WDR11: variants seen among roughly 807,000 people sequenced by gnomAD.
WDR11 encodes WD repeat domain 11, also known as WD repeat-containing protein 11.
A neutral mutation model predicts 151.2 loss-of-function variants in WDR11; 83 were observed. The observed-to-expected ratio is 0.55, with a 90% CI of 0.46 to 0.66. WDR11 has a LOEUF of 0.66. Ranked by LOEUF, WDR11 falls within the 30% of genes least tolerant of loss-of-function variation. The pLI, the probability that WDR11 is intolerant of heterozygous loss-of-function variation, is 0.00. For missense variants in WDR11, 1,301 were observed against 1,480.9 expected (o/e 0.88, Z 1.99); for synonymous variants, 484 against 533.1 (o/e 0.91, Z 1.27).
chr10:120,873,849 T>C lies in WDR11; in HGVS notation c.1482T>C (p.Asn494=). 1.2e-6 allele frequency: 2 copies of C among 1,612,056 alleles called. No individual in the cohort carries two copies. Among genetic ancestry groups the C allele is most frequent in the East Asian group, 2.2e-5 (1 of 44,854 alleles). The change falls in exon 11 of 29, where the codon AAT becomes AAC. Residue 494 remains asparagine (N), a synonymous_variant. Transcript: ENST00000263461. ...ATGTCATTTTGAAAGGTACAAGTAA[T>C]GGTTCTGTCCTGGTGTACCATCTCA... ...YQPLLAVGTS[N]GSVLVYHLTS...
chr10:120,852,156 A>T (rs1458581961), intron 1 of WDR11: 2 of 275,134 alleles, frequency 7.3e-6, no homozygotes, highest in Non-Finnish European at 1.4e-5. Flanking sequence ...TTTAGTTGGA[A>T]GGACTAGGAT....
intron 16 of WDR11, among the ~76,000 whole-genome samples, chr10:120,887,861 TC>T (rs1359716623): frequency 6.6e-6 from 1 of 152,214 alleles, no homozygotes; most frequent in Non-Finnish European, 1.5e-5. Context: ...AATTAAACAT[TC>T]TATTTTATGG....
At chr10:120,866,063 T>C (rs930554425) in intron 7 of WDR11, among the ~76,000 whole-genome samples, 3 of 152,080 alleles carry the variant, frequency 2.0e-5, no homozygotes, top group Admixed American at 2.0e-4. Context: ...TTTATTATTA[T>C]ACCCCCTTGA....
intron 10 of WDR11, among the ~76,000 whole-genome samples, chr10:120,872,273 C>A (rs545730440): frequency 6.6e-6 from 1 of 152,212 alleles, no homozygotes; most frequent in South Asian, 2.1e-4. Flanking sequence ...ATATATGTGT[C>A]CCGATTTATA....
At position 120,890,007 on chromosome 10, in the gene WDR11, G is replaced by A; in HGVS notation, c.2341G>A (p.Glu781Lys). ...TGGAGCTGAAGTGTGGGATACTAAA[G>A]AGGTAGGCCCTCTCCATGAGGATAA... ...NDGAEVWDTKEVQMVSSLRSG... is the reference protein window; with the variant it reads ...NDGAEVWDTKKVQMVSSLRSG... The change falls in exon 18 of 29, where the codon GAG (glutamate) becomes AAG (lysine). Residue 781 changes from glutamate (E) to lysine (K), a missense_variant and splice_region_variant. Glu to Lys is a moderately conservative substitution (Grantham distance 56, BLOSUM62 1). Transcript: ENST00000263461. The A allele has an allele frequency of 1.9e-6, 3 of 1,591,242 alleles. No individual in the cohort carries two copies. The highest frequency in any genetic ancestry group is 2.6e-6 in the Non-Finnish European group (3 of 1,159,372).
intron 28 of WDR11, 167 bp from the exon 29 acceptor site, chr10:120,908,389 T>A (rs1313247961): frequency 1.9e-5 from 13 of 693,218 alleles, no homozygotes; most frequent in Non-Finnish European, 3.4e-5. Flanking sequence ...AATCACCCTC[T>A]GCCCGCGAAA....
intron 19 of WDR11, among the ~76,000 whole-genome samples, chr10:120,894,258 G>A (rs935245795): frequency 1.3e-5 from 2 of 152,082 alleles, no homozygotes; most frequent in Non-Finnish European, 2.9e-5. Context: ...CCCCTCCCCA[G>A]TGTTAAAGGC....
At chr10:120,883,296 G>A (rs1847092636) in intron 13 of WDR11, among the ~76,000 whole-genome samples, 1 of 152,138 alleles carries the variant, frequency 6.6e-6, no homozygotes, top group African/African-American at 2.4e-5. Flanking sequence ...AATTATATTT[G>A]TTGAATTGCA....
chr10:120,854,443 C>T (rs1205379488), intron 2 of WDR11, among the ~76,000 whole-genome samples: 3 of 152,110 alleles, frequency 2.0e-5, no homozygotes, highest in African/African-American at 7.2e-5. Flanking sequence ...GTACTTTTTG[C>T]CTGTTACGAA....
At chr10:120,876,092 C>A (rs773443467) in intron 11 of WDR11, among the ~76,000 whole-genome samples, 11 of 150,062 alleles carry the variant, frequency 7.3e-5, no homozygotes, top group Non-Finnish European at 1.3e-4. Flanking sequence ...AATTCTCCTG[C>A]CTCATCCTCC....
intron 3 of WDR11, 138 bp downstream of exon 3, chr10:120,858,934 G>A: frequency 9.3e-7 from 1 of 1,074,172 alleles, no homozygotes; most frequent in Non-Finnish European, 1.4e-6. Context: ...TGCCTATTCT[G>A]CTGATCTAAA....
intron 26 of WDR11, 141 bp from the exon 27 acceptor site, chr10:120,905,735 T>C: frequency 2.8e-6 from 4 of 1,429,794 alleles, no homozygotes; most frequent in Non-Finnish European, 3.9e-6. Context: ...ATTCAGAGTA[T>C]GCAGCAGCTT....
At chr10:120,854,525 T>C (rs1845883957) in intron 2 of WDR11, among the ~76,000 whole-genome samples, 1 of 152,238 alleles carries the variant, frequency 6.6e-6, no homozygotes, top group South Asian at 2.1e-4. Context: ...AGTATGTTTC[T>C]AGGGGTGGAA....
intron 13 of WDR11, among the ~76,000 whole-genome samples, chr10:120,882,588 T>G (rs1486535708): frequency 6.6e-6 from 1 of 151,806 alleles, no homozygotes; most frequent in African/African-American, 2.4e-5. Context: ...TTCTCTTTTT[T>G]TGAGCTTTGG....
Position 120,908,583 on chromosome 10 carries a change from A to T in WDR11, c.3545A>T (p.Asp1182Val). 6.2e-7 allele frequency: 1 copy of T among 1,614,178 alleles called. No individual in the cohort carries two copies. Among genetic ancestry groups the T allele is most frequent in the South Asian group, 1.1e-5 (1 of 91,084 alleles). Residue 1182 changes from aspartate to valine, a missense_variant, in exon 29 of 29, where the codon GAT becomes GTT. This residue lies in a region of WDR11 where 589 missense variants were observed against 670.6 expected (regional missense o/e 0.88). Transcript: ENST00000263461. The part of the protein sequence containing the change: ...TEKLITAIYA[D>V]YARSLKNLGF... Reference sequence around the variant, plus strand: ...AAACTCATCACTGCTATATATGCAGATTATGCCCGGAGTTTGAAGAACCTC... The same window carrying T: ...AAACTCATCACTGCTATATATGCAGTTTATGCCCGGAGTTTGAAGAACCTC...
chr10:120,872,275 C>T (rs112451923), intron 10 of WDR11, among the ~76,000 whole-genome samples: 4 of 152,146 alleles, frequency 2.6e-5, no homozygotes, highest in African/African-American at 7.2e-5. Flanking sequence ...ATATGTGTCC[C>T]GATTTATATA....
At chr10:120,902,923 C>A in intron 22 of WDR11, 132 bp from the exon 23 acceptor site, 1 of 949,348 alleles carries the variant, frequency 1.1e-6, no homozygotes, top group Non-Finnish European at 1.6e-6. Flanking sequence ...CCCCCTTTCA[C>A]CCTGTCAGGC....
intron 12 of WDR11, chr10:120,880,050 C>G (rs1415702545): frequency 6.6e-6 from 1 of 152,066 alleles, no homozygotes; most frequent in Non-Finnish European, 1.5e-5. Flanking sequence ...TAGTATTTTG[C>G]ACATGGGACA....
Position 120,906,795 on chromosome 10 carries a change from G to A in WDR11, c.3457G>A (p.Ala1153Thr). Residue 1153 changes from alanine to threonine, a missense_variant, in exon 28 of 29, where the codon GCA becomes ACA. Ala to Thr is a moderately conservative substitution (Grantham distance 58). Coordinates refer to ENST00000263461, the MANE Select transcript of WDR11 (RefSeq NM_018117.12). Reference protein sequence around the residue: ...TLHSMRYFDRAALFVEACLKY... With the variant: ...TLHSMRYFDRTALFVEACLKY... ...GAGCAGCATGAGATACTTTGATAGA[G>A]CAGCCTTATTTGTGGAAGCTTGCCT... 1 of 1,614,154 alleles carries A rather than the reference G, an allele frequency of 6.2e-7. No homozygotes were observed.
Sources: allele counts gnomAD v4.1 joint callset (sites outside exome capture counted in the v4.1 genomes callset), GRCh38; gene constraint gnomAD v4.1.1; regional missense constraint gnomAD v4.1.1; transcripts MANE v1.5; gene names NCBI Gene and HGNC (gene_info 2026-07-23, HGNC 2026-07-21).